LINGO2: variants seen among roughly 807,000 people sequenced by gnomAD.
The protein encoded by LINGO2 is leucine-rich repeat and immunoglobulin-like domain-containing nogo receptor-interacting protein 2.
In LINGO2, 14 loss-of-function variants were observed where a neutral mutation model predicts 30.6. The ratio of observed to expected loss-of-function variants is 0.46; its 90% CI spans 0.30 to 0.72. The LOEUF is 0.72. Ranked by LOEUF, LINGO2 falls within the 30% of genes least tolerant of loss-of-function variation. The pLI is 0.07. For synonymous variants in LINGO2, 317 were observed against 288.5 expected (o/e 1.10, Z -1.00); for missense variants, 729 against 751.7 (o/e 0.97, Z 0.35).
At chr9:28,523,385 T>C (rs183901946) in intron 1 of LINGO2, among the ~76,000 whole-genome samples, 1 of 152,260 alleles carries the variant, frequency 6.6e-6, no homozygotes, top group East Asian at 1.9e-4. Context: ...AGACTTAATA[T>C]GACCAGAGAT....
chr9:28,077,730 G>A (rs1479879927), intron 4 of LINGO2, among the ~76,000 whole-genome samples: 1 of 148,390 alleles, frequency 6.7e-6, no homozygotes, highest in Non-Finnish European at 1.5e-5. Flanking sequence ...CCACTCCAAT[G>A]TTATCTAGAG....
intron 1 of LINGO2, among the ~76,000 whole-genome samples, chr9:28,552,715 G>A (rs1054045835): frequency 2.0e-4 from 29 of 147,078 alleles, no homozygotes; most frequent in Admixed American, 8.1e-4. Flanking sequence ...GTTTTAAGAC[G>A]TTGGATTTTC....
chr9:28,220,984 A>G (rs1408248064), intron 4 of LINGO2, among the ~76,000 whole-genome samples: 3 of 152,308 alleles, frequency 2.0e-5, no homozygotes, highest in East Asian at 1.9e-4. Flanking sequence ...ATAGTTAATG[A>G]CAATATATTG....
chr9:28,228,383 C>T (rs1324033475), intron 4 of LINGO2, among the ~76,000 whole-genome samples: 1 of 151,954 alleles, frequency 6.6e-6, no homozygotes, highest in African/African-American at 2.4e-5. Flanking sequence ...TGGAATTGTA[C>T]GAACTAAATC....
At chr9:28,614,111 C>A (rs1826036197) in intron 1 of LINGO2, among the ~76,000 whole-genome samples, 1 of 152,006 alleles carries the variant, frequency 6.6e-6, no homozygotes, top group Admixed American at 6.6e-5. Flanking sequence ...ATCATTATTT[C>A]AAATTTGGTC....
chr9:28,243,027 T>C (rs1417848318), intron 4 of LINGO2, among the ~76,000 whole-genome samples: 1 of 152,038 alleles, frequency 6.6e-6, no homozygotes, highest in Admixed American at 6.5e-5. Context: ...CACAAGAAAA[T>C]ATAAACACCA....
chr9:28,168,767 C>T (rs1197495296), intron 4 of LINGO2, among the ~76,000 whole-genome samples: 2 of 152,236 alleles, frequency 1.3e-5, no homozygotes, highest in South Asian at 2.1e-4. Flanking sequence ...GTCCTTGTAA[C>T]ACGCATGTAT....
the LINGO2 span, among the ~76,000 whole-genome samples, chr9:28,848,913 G>A: frequency 6.6e-6 from 1 of 151,844 alleles, no homozygotes; most frequent in East Asian, 1.9e-4. Flanking sequence ...AACCCCTAAG[G>A]TGATGGTATT....
chr9:28,674,369 G>A (rs151301581), upstream of LINGO2, among the ~76,000 whole-genome samples: 47 of 152,120 alleles, frequency 3.1e-4, no homozygotes, highest in African/African-American at 1.1e-3. Context: ...TGAAAACGAA[G>A]GAAACGATCT....
At chr9:28,270,477 T>A (rs147339902) in intron 4 of LINGO2, among the ~76,000 whole-genome samples, 10 of 151,584 alleles carry the variant, frequency 6.6e-5, no homozygotes, top group African/African-American at 1.9e-4. Flanking sequence ...AGTATGCATA[T>A]CCCCAATGCG....
intron 1 of LINGO2, among the ~76,000 whole-genome samples, chr9:28,522,532 A>G (rs1176198762): frequency 2.0e-5 from 3 of 152,210 alleles, no homozygotes; most frequent in Non-Finnish European, 2.9e-5. Flanking sequence ...CATAAGCAGA[A>G]AAATATAAAA....
At chr9:29,048,314 G>C in the LINGO2 span, among the ~76,000 whole-genome samples, 1 of 146,670 alleles carries the variant, frequency 6.8e-6, no homozygotes, top group South Asian at 2.1e-4. Context: ...AAATTGAAGA[G>C]GACACCAAAA....
chr9:29,079,553 C>T, the LINGO2 span, among the ~76,000 whole-genome samples: 1 of 151,922 alleles, frequency 6.6e-6, no homozygotes, highest in East Asian at 1.9e-4. Context: ...TAAAGTAGGC[C>T]AATATCATAT....
the LINGO2 span, among the ~76,000 whole-genome samples, chr9:28,769,247 T>G: frequency 6.6e-6 from 1 of 151,392 alleles, no homozygotes; most frequent in African/African-American, 2.4e-5. Flanking sequence ...ACATCACTCC[T>G]TATCTGTATT....
the LINGO2 span, among the ~76,000 whole-genome samples, chr9:29,068,115 G>A: frequency 2.6e-5 from 4 of 151,696 alleles, no homozygotes; most frequent in Non-Finnish European, 3.0e-5. Context: ...AAAAGTTGTG[G>A]GAAAATATGA....
At chr9:28,577,369 G>A (rs1484939513) in intron 1 of LINGO2, among the ~76,000 whole-genome samples, 1 of 152,006 alleles carries the variant, frequency 6.6e-6, no homozygotes, top group African/African-American at 2.4e-5. Flanking sequence ...CAAGACTCAA[G>A]ACCCGACCAG....
In LINGO2 at chr9:28,375,050, C is replaced by T. The variant is rs542059673; in HGVS notation, c.-278-2182G>A. ...ACTTTGTTATGTTTCTAACACCCCACCCAAGAAATTCCAACCCCTTATCGC... is the reference window on the plus strand; with the variant it reads ...ACTTTGTTATGTTTCTAACACCCCATCCAAGAAATTCCAACCCCTTATCGC... On this transcript the variant is annotated intron_variant, in intron 2 of 5. Coordinates refer to ENST00000379992, the Ensembl canonical transcript of LINGO2. 9.5e-4 allele frequency among the ~76,000 whole-genome samples: 143 copies of T among 150,722 alleles called. 1 individual carries two copies. The highest frequency in any genetic ancestry group is 6.8e-3 in the Middle Eastern group (2 of 294).
intron 3 of LINGO2, among the ~76,000 whole-genome samples, chr9:28,309,548 G>A (rs1163769297): frequency 1.3e-5 from 2 of 151,532 alleles, no homozygotes; most frequent in Non-Finnish European, 2.9e-5. Flanking sequence ...TAACCTGCAT[G>A]TTGTGCACAT....
chr9:28,757,219 T>C, the LINGO2 span, among the ~76,000 whole-genome samples: 1 of 152,072 alleles, frequency 6.6e-6, no homozygotes, highest in African/African-American at 2.4e-5. Context: ...GAAATTGAAC[T>C]TGGCATAGTA....
Sources: gnomAD v4.1 joint callset for allele counts (sites outside exome capture counted in the v4.1 genomes callset) on GRCh38, gnomAD v4.1.1 for gene constraint, MANE v1.5 for transcripts, NCBI Gene and HGNC (gene_info 2026-07-23, HGNC 2026-07-21) for gene names.